The following LRP1B variants were observed in gnomAD, a reference collection of about 807,000 sequenced individuals.
The protein encoded by LRP1B is low-density lipoprotein receptor-related protein 1B.
In LRP1B, 217 loss-of-function variants were observed where a neutral mutation model predicts 556.6. The ratio of observed to expected loss-of-function variants is 0.39; its 90% CI spans 0.35 to 0.44. The LOEUF is 0.44. Ranked by LOEUF, LRP1B falls within the 20% of genes least tolerant of loss-of-function variation. The pLI is 1.00. For synonymous variants in LRP1B, 2,047 were observed against 1,865.8 expected (o/e 1.10, Z -2.50); for missense variants, 5,053 against 5,620.8 (o/e 0.90, Z 3.23).
rs1249438400 is a variant in LRP1B, at chr2:141,013,729, C to G, written c.2207G>C (p.Arg736Thr). Residue 736 changes from arginine to threonine, a missense_variant, in exon 14 of 91, where the codon AGA becomes ACA. Transcript: ENST00000389484. ...CAGTCCGAAAGGGTGGTTCAACTCT[C>G]TCCCACTGTAAACAATCTGTAAAAT... ...GTHRKIVYSG[R>T]ELNHPFGLSH... 6.3e-7 allele frequency: 1 copy of G among 1,579,480 alleles called. No homozygotes were observed. Among genetic ancestry groups the G allele is most frequent in the African/African-American group, 1.4e-5 (1 of 73,156 alleles).
intron 5 of LRP1B, among the ~76,000 whole-genome samples, chr2:141,243,563 A>G (rs929741921): frequency 6.6e-6 from 1 of 152,200 alleles, no homozygotes; most frequent in Non-Finnish European, 1.5e-5. Context: ...ATGCTCTCAT[A>G]AAAATTTGTA....
intron 1 of LRP1B, among the ~76,000 whole-genome samples, chr2:142,075,759 C>T (rs553816571): frequency 6.6e-6 from 1 of 152,196 alleles, no homozygotes; most frequent in African/African-American, 2.4e-5. Context: ...ACTCTCCCTC[C>T]ACGTTAATCA....
At chr2:141,788,243 T>C (rs1184945402) in intron 2 of LRP1B, among the ~76,000 whole-genome samples, 1 of 152,036 alleles carries the variant, frequency 6.6e-6, no homozygotes, top group Admixed American at 6.6e-5. Context: ...AATCATTTTA[T>C]GAAAACCTTC....
intron 20 of LRP1B, among the ~76,000 whole-genome samples, chr2:140,936,349 A>G (rs1573898631): frequency 7.2e-6 from 1 of 138,680 alleles, no homozygotes; most frequent in African/African-American, 2.8e-5. Context: ...CAAAAAAAAA[A>G]AAAAAAAAAA....
chr2:141,564,123 T>C (rs1247046245), intron 2 of LRP1B, among the ~76,000 whole-genome samples: 2 of 151,932 alleles, frequency 1.3e-5, no homozygotes, highest in Admixed American at 1.3e-4. Flanking sequence ...GAAGATTGAG[T>C]GAAGATTTTG....
chr2:141,870,719 A>T (rs555224159), intron 1 of LRP1B, among the ~76,000 whole-genome samples: 21 of 152,050 alleles, frequency 1.4e-4, no homozygotes, highest in Middle Eastern at 6.8e-3. Flanking sequence ...GAGTCATAGG[A>T]TGGGATATGT....
intron 3 of LRP1B, among the ~76,000 whole-genome samples, chr2:141,297,749 A>G (rs899994255): frequency 3.3e-5 from 5 of 152,188 alleles, no homozygotes; most frequent in Non-Finnish European, 7.3e-5. Context: ...GACCCCATAT[A>G]CAACGGTGCT....
At chr2:140,505,162 A>T (rs981328135) in intron 53 of LRP1B, among the ~76,000 whole-genome samples, 5 of 152,202 alleles carry the variant, frequency 3.3e-5, no homozygotes, top group Non-Finnish European at 2.9e-5. Context: ...TGCTCTAAGA[A>T]CTTTACAAAT....
At chr2:141,513,865 G>T (rs750311660) in intron 2 of LRP1B, among the ~76,000 whole-genome samples, 38 of 152,132 alleles carry the variant, frequency 2.5e-4, no homozygotes, top group Middle Eastern at 3.2e-3. Context: ...ACTGGTCGTG[G>T]AGGAAGTCCA....
intron 7 of LRP1B, among the ~76,000 whole-genome samples, chr2:141,074,063 C>G (rs1219517690): frequency 6.6e-6 from 1 of 152,092 alleles, no homozygotes; most frequent in Admixed American, 6.6e-5. Flanking sequence ...ACATTACCAA[C>G]AATGGCGAAC....
chr2:140,530,026 T>TTC (rs1690619626), intron 47 of LRP1B, among the ~76,000 whole-genome samples: 1 of 152,088 alleles, frequency 6.6e-6, no homozygotes, highest in Non-Finnish European at 1.5e-5. Context: ...GCAACACCCT[T>TTC]TCTACTCTGT....
chr2:142,043,698 C>T (rs947549621), intron 1 of LRP1B, among the ~76,000 whole-genome samples: 1 of 151,612 alleles, frequency 6.6e-6, no homozygotes, highest in East Asian at 1.9e-4. Flanking sequence ...AGCTCAATGT[C>T]TTACAGGTGC....
chr2:142,098,675 C>T (rs1281573525), intron 1 of LRP1B, among the ~76,000 whole-genome samples: 1 of 151,696 alleles, frequency 6.6e-6, no homozygotes, highest in African/African-American at 2.4e-5. Context: ...TGAAATTGCT[C>T]TTTACATTAT....
chr2:142,083,790 TATC>T (rs909502264), intron 1 of LRP1B, among the ~76,000 whole-genome samples: 5 of 152,208 alleles, frequency 3.3e-5, no homozygotes, highest in African/African-American at 9.7e-5. Context: ...CTTTATCAAA[TATC>T]ATGACGGGTC....
Position 141,335,660 on chromosome 2 carries a change from A to G in LRP1B, c.344-81019T>C, listed in dbSNP as rs551250826. Among the ~76,000 whole-genome samples the G allele has an allele frequency of 3.9e-5, 6 of 152,312 alleles. No homozygotes were observed. In the South Asian group the frequency reaches 1.2e-3, roughly 32 times the overall value. On this transcript the variant is annotated intron_variant, in intron 3 of 90. Transcript: ENST00000389484. ...AATACATAAAAATAAACTAATAAAA[A>G]CTAGATTACAAATACTTTCAGACAA...
intron 2 of LRP1B, among the ~76,000 whole-genome samples, chr2:141,643,188 C>A (rs901521793): frequency 6.6e-6 from 1 of 152,116 alleles, no homozygotes; most frequent in Admixed American, 6.6e-5. Context: ...CACCACTAAT[C>A]TGGTACTCTG....
chr2:140,803,267 T>G (rs7606943), intron 32 of LRP1B, among the ~76,000 whole-genome samples: 677 of 38,454 alleles, frequency 0.018, 9 homozygotes, highest in South Asian at 0.054. Flanking sequence ...AAAGTTTTTT[T>G]TTTTTTTTTT....
At chr2:140,349,245 CAA>C (rs1014610618) in intron 77 of LRP1B, among the ~76,000 whole-genome samples, 1 of 151,994 alleles carries the variant, frequency 6.6e-6, no homozygotes, top group African/African-American at 2.4e-5. Flanking sequence ...AAATAAAAAT[CAA>C]AGACTTTTCT....
chr2:142,076,957 A>G (rs1394987879), intron 1 of LRP1B, among the ~76,000 whole-genome samples: 1 of 152,074 alleles, frequency 6.6e-6, no homozygotes, highest in African/African-American at 2.4e-5. Context: ...ACATAAGAAG[A>G]TACAGTGTGT....
Sources: gnomAD v4.1 joint callset for allele counts (sites outside exome capture counted in the v4.1 genomes callset) on GRCh38, gnomAD v4.1.1 for gene constraint, MANE v1.5 for transcripts, NCBI Gene and HGNC (gene_info 2026-07-23, HGNC 2026-07-21) for gene names.